PTPRD: variants seen among roughly 807,000 people sequenced by gnomAD.
PTPRD encodes the protein protein tyrosine phosphatase receptor type D.
PTPRD carries 34 observed loss-of-function variants against 214.5 expected under a neutral mutation model. The observed-to-expected ratio is 0.16, with a 90% CI of 0.12 to 0.21. The LOEUF is 0.21. PTPRD is among the 10% of genes least tolerant of loss of function. The pLI is 1.00. For missense variants in PTPRD, 2,545 were observed against 2,398.7 expected (o/e 1.06, Z -1.27); for synonymous variants, 1,128 against 845.7 (o/e 1.33, Z -5.79).
intron 5 of PTPRD, among the ~76,000 whole-genome samples, chr9:9,915,944 C>A (rs1331520718): frequency 6.6e-6 from 1 of 151,592 alleles, no homozygotes; most frequent in Non-Finnish European, 1.5e-5. Flanking sequence ...AAATCAAGGA[C>A]AAATAATTCT....
chr9:8,774,586 G>A (rs1390756616), intron 11 of PTPRD, among the ~76,000 whole-genome samples: 1 of 137,522 alleles, frequency 7.3e-6, no homozygotes, highest in Non-Finnish European at 1.5e-5. Context: ...CCAGGCTGGA[G>A]TGCAATGGCG....
intron 9 of PTPRD, among the ~76,000 whole-genome samples, chr9:9,201,468 T>A (rs1172026102): frequency 1.3e-5 from 2 of 152,076 alleles, no homozygotes; most frequent in African/African-American, 4.8e-5. Flanking sequence ...CTAAGAACAA[T>A]GTAAATGTTA....
intron 12 of PTPRD, among the ~76,000 whole-genome samples, chr9:8,731,945 T>C (rs1297626230): frequency 2.0e-5 from 3 of 152,128 alleles, no homozygotes; most frequent in African/African-American, 7.2e-5. Context: ...GGGAGTAGAT[T>C]CTTTTTCAAG....
At chr9:9,234,786 C>A (rs1481506250) in intron 9 of PTPRD, among the ~76,000 whole-genome samples, 1 of 152,154 alleles carries the variant, frequency 6.6e-6, no homozygotes, top group Non-Finnish European at 1.5e-5. Flanking sequence ...TCAGCCTGGA[C>A]TTCATTGTCC....
intron 3 of PTPRD, among the ~76,000 whole-genome samples, chr9:10,248,595 A>T (rs1296899979): frequency 6.6e-6 from 1 of 151,834 alleles, no homozygotes; most frequent in Non-Finnish European, 1.5e-5. Context: ...ATTGTAGGTT[A>T]AGCAAAATAA....
intron 7 of PTPRD, among the ~76,000 whole-genome samples, chr9:9,682,937 A>G (rs1467918515): frequency 6.6e-6 from 1 of 151,778 alleles, no homozygotes; most frequent in Non-Finnish European, 1.5e-5. Context: ...CACTGGAAAG[A>G]GCTTTAACTG....
At chr9:9,085,905 G>T (rs2099766411) in intron 10 of PTPRD, among the ~76,000 whole-genome samples, 1 of 152,152 alleles carries the variant, frequency 6.6e-6, no homozygotes, top group African/African-American at 2.4e-5. Flanking sequence ...TCAGTTACTT[G>T]TGTCCAACCC....
intron 9 of PTPRD, among the ~76,000 whole-genome samples, chr9:9,232,391 T>A (rs529130049): frequency 1.3e-5 from 2 of 152,320 alleles, no homozygotes; most frequent in Non-Finnish European, 2.9e-5. Context: ...AACATTTCCA[T>A]TTCAGCTAGT....
chr9:9,584,394 CAA>C (rs1228340742), intron 7 of PTPRD, among the ~76,000 whole-genome samples: 1 of 110,630 alleles, frequency 9.0e-6, no homozygotes, highest in Non-Finnish European at 2.0e-5. Context: ...TATGCTACCA[CAA>C]AAGACCTCTA....
At chr9:10,366,731 C>A (rs2097524035) in intron 2 of PTPRD, among the ~76,000 whole-genome samples, 1 of 152,132 alleles carries the variant, frequency 6.6e-6, no homozygotes, top group Non-Finnish European at 1.5e-5. Flanking sequence ...TATCAAGACA[C>A]AACCTATCTT....
At chr9:10,024,139 G>A (rs557413398) in intron 4 of PTPRD, among the ~76,000 whole-genome samples, 1 of 151,928 alleles carries the variant, frequency 6.6e-6, no homozygotes, top group South Asian at 2.1e-4. Flanking sequence ...TTTTAATGTG[G>A]GATAACAAAT....
intron 2 of PTPRD, among the ~76,000 whole-genome samples, chr9:10,584,592 C>G: frequency 6.6e-6 from 1 of 152,106 alleles, no homozygotes; most frequent in Non-Finnish European, 1.5e-5. Context: ...TCTCTTCCAG[C>G]TCTTGTAAAG....
At chr9:8,619,376 A>T (rs1391461976) in intron 14 of PTPRD, among the ~76,000 whole-genome samples, 1 of 151,494 alleles carries the variant, frequency 6.6e-6, no homozygotes, top group African/African-American at 2.4e-5. Flanking sequence ...AGCCTCTGGT[A>T]ACCAACATTC....
At chr9:9,085,518 C>A (rs755882756) in intron 10 of PTPRD, among the ~76,000 whole-genome samples, 5 of 152,072 alleles carry the variant, frequency 3.3e-5, no homozygotes, top group African/African-American at 4.8e-5. Flanking sequence ...GAATAAGATC[C>A]ATTTCCAAAC....
chr9:8,810,206 T>C (rs1254819460), intron 11 of PTPRD, among the ~76,000 whole-genome samples: 1 of 152,244 alleles, frequency 6.6e-6, no homozygotes, highest in African/African-American at 2.4e-5. Context: ...CTACATCTTT[T>C]GCCATAGTAT....
chr9:8,716,174 A>C (rs2154411063), intron 12 of PTPRD, among the ~76,000 whole-genome samples: 1 of 152,338 alleles, frequency 6.6e-6, no homozygotes, highest in East Asian at 1.9e-4. Flanking sequence ...GGATGAAACC[A>C]GGAGAAGAGA....
intron 4 of PTPRD, among the ~76,000 whole-genome samples, chr9:9,984,766 GTGC>G (rs1231985905): frequency 1.3e-5 from 2 of 152,098 alleles, no homozygotes; most frequent in African/African-American, 4.8e-5. Context: ...GAGAATTAGG[GTGC>G]TGCTGCTGCT....
chr9:9,935,590 T>C (rs2088943346), intron 5 of PTPRD, among the ~76,000 whole-genome samples: 1 of 151,566 alleles, frequency 6.6e-6, no homozygotes, highest in East Asian at 1.9e-4. Context: ...TACAAACAAA[T>C]GGAAGAACAT....
intron 35 of PTPRD, among the ~76,000 whole-genome samples, chr9:8,411,259 T>C (rs747672875): frequency 8.4e-4 from 128 of 152,010 alleles, no homozygotes; most frequent in Non-Finnish European, 1.3e-3. Context: ...TTTAAATAAC[T>C]AGATTTTTTA....
Sources: allele counts gnomAD v4.1 joint callset (sites outside exome capture counted in the v4.1 genomes callset), GRCh38; gene constraint gnomAD v4.1.1; transcripts MANE v1.5; gene names NCBI Gene and HGNC (gene_info 2026-07-23, HGNC 2026-07-21).